Variants in SAMD12 observed in about 807,000 individuals in gnomAD.
The protein encoded by SAMD12 is sterile alpha motif domain-containing protein 12.
SAMD12 carries 9 observed loss-of-function variants against 15.0 expected under a neutral mutation model. The ratio of observed to expected loss-of-function variants is 0.60; its 90% CI spans 0.36 to 1.05. The LOEUF is 1.05. SAMD12 is among the 50% of genes least tolerant of loss of function. The pLI, the probability that SAMD12 is intolerant of heterozygous loss-of-function variation, is 0.01. For synonymous variants in SAMD12, 86 were observed against 90.1 expected (o/e 0.96, Z 0.25); for missense variants, 230 against 234.2 (o/e 0.98, Z 0.12).
At chr8:118,426,525 A>C (rs549346638) in intron 3 of SAMD12, among the ~76,000 whole-genome samples, 6 of 152,338 alleles carry the variant, frequency 3.9e-5, no homozygotes, top group Non-Finnish European at 7.3e-5. Context: ...CATGGGCATT[A>C]TTAAGGATGT....
At position 118,580,741 on chromosome 8, in the gene SAMD12, G is replaced by A. The variant is rs1827272376; in HGVS notation, c.166C>T (p.Leu56=). ...VPDQKGTPKR[L]QAEAETAKSA... ...TTAGCCGTCTCAGCTTCTGCCTGCAGTCGCTTGGGAGTTCCTTTCTGGTCA... is the reference window on the plus strand; with the variant it reads ...TTAGCCGTCTCAGCTTCTGCCTGCAATCGCTTGGGAGTTCCTTTCTGGTCA... The change falls in exon 2 of 4, where the codon CTG becomes TTG. Residue 56 remains leucine (L), a synonymous_variant. Coordinates refer to ENST00000314727, the MANE Select transcript of SAMD12 (RefSeq NM_207506.3). 1 of 1,612,974 alleles carries A rather than the reference G, an allele frequency of 6.2e-7. No homozygotes were observed. The highest frequency in any genetic ancestry group is 8.5e-7 in the Non-Finnish European group (1 of 1,179,328).
intron 4 of SAMD12, among the ~76,000 whole-genome samples, chr8:118,301,040 T>C (rs1814994608): frequency 6.6e-6 from 1 of 152,198 alleles, no homozygotes; most frequent in South Asian, 2.1e-4. Flanking sequence ...CTGGTAATAG[T>C]TGAACCATTT....
chr8:118,463,722 CTGAT>C (rs1280998868), intron 2 of SAMD12, among the ~76,000 whole-genome samples: 1 of 152,142 alleles, frequency 6.6e-6, no homozygotes, highest in Non-Finnish European at 1.5e-5. Flanking sequence ...TAAATTCTCT[CTGAT>C]TAATGACCAA....
At chr8:118,428,253 G>A (rs1479566799) in intron 3 of SAMD12, among the ~76,000 whole-genome samples, 3 of 151,950 alleles carry the variant, frequency 2.0e-5, no homozygotes, top group East Asian at 1.9e-4. Flanking sequence ...AAAAGCAGAC[G>A]ACTTTTAATT....
downstream of SAMD12, among the ~76,000 whole-genome samples, chr8:118,376,041 A>G (rs1004017743): frequency 1.3e-5 from 2 of 152,178 alleles, no homozygotes; most frequent in Non-Finnish European, 2.9e-5. Flanking sequence ...CTAAGAGTAC[A>G]CCAATGCCTG....
At chr8:118,475,029 A>G (rs1823912542) in intron 2 of SAMD12, among the ~76,000 whole-genome samples, 1 of 152,168 alleles carries the variant, frequency 6.6e-6, no homozygotes, top group South Asian at 2.1e-4. Context: ...ACTTGAGGTC[A>G]GGAGTTTGAG....
In SAMD12 at chr8:118,621,353, A is replaced by G. The variant is rs537936741; in HGVS notation, c.13+451T>C. 3.3e-5 allele frequency among the ~76,000 whole-genome samples: 5 copies of G among 152,196 alleles called. No homozygotes were observed. The East Asian group carries it at 9.7e-4, about 30-fold the overall frequency. ...CATAGGACGAAGGGCCCTCGACCCA[A>G]TCCCAGTCCAAGCTTCCGGATGACG... On this transcript the variant is annotated intron_variant, in intron 1 of 3. Transcript: ENST00000314727.
At chr8:118,535,101 GA>G (rs1227387524) in intron 2 of SAMD12, among the ~76,000 whole-genome samples, 1 of 152,158 alleles carries the variant, frequency 6.6e-6, no homozygotes, top group East Asian at 1.9e-4. Context: ...TTTGGTCTTT[GA>G]TGATGAGGTA....
chr8:118,576,560 G>A lies in SAMD12; in HGVS notation c.192+4155C>T, dbSNP rs77360250. Among the ~76,000 whole-genome samples the A allele has an allele frequency of 6.1e-3, 933 of 152,220 alleles. 2 individuals carry two copies. The highest frequency in any genetic ancestry group is 0.021 in the African/African-American group (862 of 41,554). On this transcript the variant is annotated intron_variant, in intron 2 of 3. Transcript: ENST00000314727. ...ACATATTGGAATTTATCCATACTTC[G>A]CAGCATAGGTCAAGTTCTTCCTGTG...
chr8:118,548,384 TACAC>T (rs36228827), intron 2 of SAMD12, among the ~76,000 whole-genome samples: 16,773 of 139,744 alleles, frequency 0.12, 1,078 homozygotes, highest in African/African-American at 0.17. Context: ...AAAACACACA[TACAC>T]ACACACACAC....
At chr8:118,139,755 C>T in the SAMD12 span, among the ~76,000 whole-genome samples, 1 of 152,190 alleles carries the variant, frequency 6.6e-6, no homozygotes, top group African/African-American at 2.4e-5. Context: ...ACAGCTTGCT[C>T]ACACCCTGTG....
At chr8:118,151,727 G>A in the SAMD12 span, among the ~76,000 whole-genome samples, 2 of 151,966 alleles carry the variant, frequency 1.3e-5, no homozygotes, top group African/African-American at 4.8e-5. Flanking sequence ...CTACTCAGGA[G>A]GCTGAGGCAG....
chr8:118,380,475 TC>T, intron 3 of SAMD12, among the ~76,000 whole-genome samples: 1 of 152,322 alleles, frequency 6.6e-6, no homozygotes, highest in Non-Finnish European at 1.5e-5. Flanking sequence ...AACCTTTCTT[TC>T]CCTGTATACT....
At chr8:118,548,462 A>C (rs1826202140) in intron 2 of SAMD12, among the ~76,000 whole-genome samples, 1 of 151,658 alleles carries the variant, frequency 6.6e-6, no homozygotes, top group African/African-American at 2.4e-5. Flanking sequence ...AACTTGGTTA[A>C]GTTATGGTGT....
chr8:118,232,783 C>T (rs1013527758), intron 4 of SAMD12, among the ~76,000 whole-genome samples: 1 of 152,108 alleles, frequency 6.6e-6, no homozygotes, highest in East Asian at 1.9e-4. Context: ...ATCAGAAAGC[C>T]AACAGAGGGT....
chr8:118,192,630 A>C (rs1000045753), exon 5 of SAMD12: 41 of 152,330 alleles, frequency 2.7e-4, no homozygotes, highest in African/African-American at 9.6e-4. Flanking sequence ...AACCAAACAA[A>C]CAAACAAACA....
chr8:118,393,291 C>T (rs12544308), intron 3 of SAMD12, among the ~76,000 whole-genome samples: 8,208 of 152,246 alleles, frequency 0.054, 484 homozygotes, highest in Admixed American at 0.19. Context: ...TGTCTCACCA[C>T]GGCAATCTTC....
chr8:118,368,288 TGAA>T (rs1371812664), intron 4 of SAMD12, among the ~76,000 whole-genome samples: 1 of 152,178 alleles, frequency 6.6e-6, no homozygotes, highest in Middle Eastern at 3.2e-3. Context: ...TAAGGTTGAA[TGAA>T]GAAGTAGTAA....
At chr8:118,283,142 T>A (rs1031273067) in intron 4 of SAMD12, among the ~76,000 whole-genome samples, 16 of 152,210 alleles carry the variant, frequency 1.1e-4, no homozygotes, top group South Asian at 2.1e-4. Flanking sequence ...TAATTTTTTT[T>A]ATTATACTTT....
Sources: gnomAD v4.1 joint callset for allele counts (sites outside exome capture counted in the v4.1 genomes callset) on GRCh38, gnomAD v4.1.1 for gene constraint, MANE v1.5 for transcripts, NCBI Gene and HGNC (gene_info 2026-07-23, HGNC 2026-07-21) for gene names.